The following SDK1 variants were observed in gnomAD, a reference collection of about 807,000 sequenced individuals.
SDK1 encodes protein sidekick-1.
A neutral mutation model predicts 245.5 loss-of-function variants in SDK1; 157 were observed. That is an observed-to-expected ratio of 0.64 (90% CI 0.56 to 0.73). The LOEUF (loss-of-function observed/expected upper bound fraction) is 0.73. Ranked by LOEUF, SDK1 falls within the 30% of genes least tolerant of loss-of-function variation. SDK1 has a pLI of 0.00. For synonymous variants in SDK1, 1,647 were observed against 1,278.5 expected (o/e 1.29, Z -6.15); for missense variants, 3,583 against 3,002.3 (o/e 1.19, Z -4.52).
intron 1 of SDK1, among the ~76,000 whole-genome samples, chr7:3,363,900 C>G (rs1349180395): frequency 6.6e-6 from 1 of 152,164 alleles, no homozygotes; most frequent in Non-Finnish European, 1.5e-5. Context: ...AAGTGTTATA[C>G]TATTTTACGT....
intron 1 of SDK1, among the ~76,000 whole-genome samples, chr7:3,455,512 A>G (rs995298378): frequency 2.0e-5 from 3 of 151,796 alleles, no homozygotes; most frequent in African/African-American, 4.8e-5. Context: ...ATGGATGCCT[A>G]TTATGCCAGC....
intron 5 of SDK1, among the ~76,000 whole-genome samples, chr7:3,943,057 C>T (rs553147807): frequency 2.0e-5 from 3 of 152,288 alleles, no homozygotes; most frequent in East Asian, 1.9e-4. Flanking sequence ...TTTCAAGAGG[C>T]GTATTCGCCA....
At chr7:3,533,928 C>G (rs1382930257) in intron 1 of SDK1, among the ~76,000 whole-genome samples, 1 of 152,134 alleles carries the variant, frequency 6.6e-6, no homozygotes, top group African/African-American at 2.4e-5. Flanking sequence ...AACATGAGAT[C>G]TACCCTCTTA....
chr7:3,444,843 A>C (rs1272987476), intron 1 of SDK1, among the ~76,000 whole-genome samples: 2 of 152,186 alleles, frequency 1.3e-5, no homozygotes. Flanking sequence ...TTAGAGCCCT[A>C]CCTGCATGGT....
At chr7:3,731,344 C>T (rs1382547635) in intron 4 of SDK1, among the ~76,000 whole-genome samples, 1 of 152,154 alleles carries the variant, frequency 6.6e-6, no homozygotes, top group African/African-American at 2.4e-5. Context: ...GCTGCTGAAC[C>T]ATTAGGAGGC....
Position 4,012,271 on chromosome 7 carries a change from A to G in SDK1, c.2420+36A>G, listed in dbSNP as rs757576855. 11 of 1,442,356 alleles carry G rather than the reference A, an allele frequency of 7.6e-6. No homozygotes were observed. In the South Asian group the frequency reaches 1.6e-4, roughly 21 times the overall value. 89.3% of individuals were successfully genotyped at this position (1,442,356 alleles called of 1,614,324 possible). A position where few individuals can be genotyped will look rare whatever the true frequency, so the allele number is the denominator to read the frequency against. ...TGTGATTGGCCATCTTTAGGCCGCC[A>G]TTAGAGTTGAGCGTCGATTTCACAG... On this transcript the variant is annotated intron_variant, in intron 16 of 44. Coordinates refer to ENST00000404826, the MANE Select transcript of SDK1 (RefSeq NM_152744.4).
chr7:3,935,670 A>T (rs1209446111), intron 5 of SDK1, among the ~76,000 whole-genome samples: 2 of 152,230 alleles, frequency 1.3e-5, no homozygotes, highest in Admixed American at 1.3e-4. Context: ...TTAAAACCAC[A>T]ATGAAAGACC....
At chr7:3,717,283 A>G (rs1785232114) in intron 4 of SDK1, among the ~76,000 whole-genome samples, 1 of 152,236 alleles carries the variant, frequency 6.6e-6, no homozygotes, top group South Asian at 2.1e-4. Context: ...AGAAATTAAC[A>G]GAGAGATAAC....
At chr7:4,056,200 G>T (rs1486009054) in intron 19 of SDK1, among the ~76,000 whole-genome samples, 1 of 149,684 alleles carries the variant, frequency 6.7e-6, no homozygotes, top group Non-Finnish European at 1.5e-5. Flanking sequence ...TTTTTTGGTA[G>T]GCAGGGAGCC....
chr7:3,594,934 T>C (rs180912472), intron 1 of SDK1, among the ~76,000 whole-genome samples: 1 of 152,324 alleles, frequency 6.6e-6, no homozygotes, highest in East Asian at 1.9e-4. Context: ...TGTATAGGGT[T>C]TACTGTTTTT....
intron 5 of SDK1, among the ~76,000 whole-genome samples, chr7:3,946,371 G>C (rs1205960236): frequency 6.6e-6 from 1 of 152,050 alleles, no homozygotes; most frequent in Non-Finnish European, 1.5e-5. Context: ...GTAGACATGG[G>C]GTTTCACTAT....
At chr7:3,541,731 G>A (rs1320937092) in intron 1 of SDK1, among the ~76,000 whole-genome samples, 3 of 152,130 alleles carry the variant, frequency 2.0e-5, no homozygotes, top group Non-Finnish European at 4.4e-5. Flanking sequence ...TTCAGTAACT[G>A]ATGGTTGAAT....
chr7:3,988,442 C>T (rs536280621), intron 14 of SDK1, among the ~76,000 whole-genome samples: 9 of 152,226 alleles, frequency 5.9e-5, no homozygotes, highest in Admixed American at 2.0e-4. Flanking sequence ...CACTGATCTT[C>T]CTGAGATATA....
At chr7:3,527,165 T>C (rs1783166343) in intron 1 of SDK1, among the ~76,000 whole-genome samples, 1 of 152,248 alleles carries the variant, frequency 6.6e-6, no homozygotes, top group African/African-American at 2.4e-5. Context: ...TTTCTTTTAA[T>C]GTGTCAGCAT....
At chr7:3,340,613 A>T (rs890994832) in intron 1 of SDK1, among the ~76,000 whole-genome samples, 27 of 152,138 alleles carry the variant, frequency 1.8e-4, no homozygotes, top group Admixed American at 1.6e-3. Flanking sequence ...ATACCAAAAA[A>T]ATAGCGGGGC....
At chr7:3,354,658 G>C (rs148814273) in intron 1 of SDK1, among the ~76,000 whole-genome samples, 2 of 152,230 alleles carry the variant, frequency 1.3e-5, no homozygotes, top group Non-Finnish European at 2.9e-5. Flanking sequence ...GAAGTTAATT[G>C]TGTTTCATTG....
At chr7:3,473,864 C>T (rs953568368) in intron 1 of SDK1, among the ~76,000 whole-genome samples, 3 of 151,806 alleles carry the variant, frequency 2.0e-5, no homozygotes, top group Non-Finnish European at 4.4e-5. Flanking sequence ...TTTTTTTCCT[C>T]TCCAAATTCG....
intron 4 of SDK1, among the ~76,000 whole-genome samples, chr7:3,779,803 G>C (rs1376059292): frequency 1.3e-5 from 2 of 152,010 alleles, no homozygotes; most frequent in South Asian, 4.1e-4. Flanking sequence ...GCGGTGGCGG[G>C]CGCCTGTAGT....
intron 1 of SDK1, among the ~76,000 whole-genome samples, chr7:3,312,264 C>G (rs1779568366): frequency 6.6e-6 from 1 of 152,092 alleles, no homozygotes; most frequent in Non-Finnish European, 1.5e-5. Context: ...AGGTCTGAAA[C>G]TGACCTGCAG....
Sources: allele counts gnomAD v4.1 joint callset (sites outside exome capture counted in the v4.1 genomes callset), GRCh38; gene constraint gnomAD v4.1.1; transcripts MANE v1.5; gene names NCBI Gene and HGNC (gene_info 2026-07-23, HGNC 2026-07-21).